CAMTA1: variants seen among roughly 807,000 people sequenced by gnomAD.
The protein encoded by CAMTA1 is calmodulin-binding transcription activator 1.
In CAMTA1, 27 loss-of-function variants were observed where a neutral mutation model predicts 170.9. That is an observed-to-expected ratio of 0.16 (90% CI 0.12 to 0.22). The LOEUF (loss-of-function observed/expected upper bound fraction) is 0.22, where lower values mean the gene tolerates loss of function less well. CAMTA1 is among the 10% of genes least tolerant of loss of function. The probability of loss-of-function intolerance (pLI) is 1.00; values close to 1 mark genes in which losing one functional copy is unlikely to be tolerated. For missense variants in CAMTA1, 1,619 were observed against 2,217.2 expected (o/e 0.73, Z 5.42); for synonymous variants, 833 against 891.5 (o/e 0.93, Z 1.17).
chr1:7,758,706 C>G (rs368252355), intron 22 of CAMTA1, among the ~76,000 whole-genome samples: 1 of 152,026 alleles, frequency 6.6e-6, no homozygotes, highest in Admixed American at 6.6e-5. Flanking sequence ...GAGGCCGAGG[C>G]GGGCGGATCA....
At chr1:7,401,594 G>A (rs536004412) in intron 5 of CAMTA1, among the ~76,000 whole-genome samples, 5 of 152,082 alleles carry the variant, frequency 3.3e-5, no homozygotes, top group South Asian at 4.1e-4. Flanking sequence ...GAGAATTAAC[G>A]TAACTATTGG....
At chr1:7,022,593 C>A (rs949200662) in intron 3 of CAMTA1, among the ~76,000 whole-genome samples, 2 of 152,238 alleles carry the variant, frequency 1.3e-5, no homozygotes, top group African/African-American at 4.8e-5. Flanking sequence ...GTGTAGCCCA[C>A]TTGCTGGGGC....
chr1:6,874,126 G>A (rs928406909), intron 3 of CAMTA1: 1 of 152,218 alleles, frequency 6.6e-6, no homozygotes, highest in African/African-American at 2.4e-5. Context: ...GTTGTTGGGA[G>A]GATAAATGAA....
At chr1:6,826,124 T>C (rs888576701) in intron 3 of CAMTA1, among the ~76,000 whole-genome samples, 9 of 152,242 alleles carry the variant, frequency 5.9e-5, no homozygotes, top group African/African-American at 2.2e-4. Context: ...TTGAGCCTTA[T>C]TTTTTAAAGA....
chr1:7,103,860 T>TAC lies in CAMTA1; in HGVS notation c.302+12501_302+12502dup, dbSNP rs780708424. On this transcript the variant is annotated intron_variant, in intron 4 of 22. Coordinates refer to ENST00000303635, the MANE Select transcript of CAMTA1 (RefSeq NM_015215.4). ...TACACACATGTACACACAACACACA[T>TAC]ACACACACACACAACTACACACATG... Among the ~76,000 whole-genome samples, 42 of 4,762 alleles carry TAC rather than the reference T, an allele frequency of 8.8e-3. 2 individuals are homozygous for TAC. The highest frequency in any genetic ancestry group is 0.057 in the African/African-American group (42 of 742). 3.1% of individuals were successfully genotyped at this position (4,762 alleles called of 152,430 possible).
At chr1:7,218,974 G>A (rs899365093) in intron 4 of CAMTA1, among the ~76,000 whole-genome samples, 1 of 152,158 alleles carries the variant, frequency 6.6e-6, no homozygotes, top group Non-Finnish European at 1.5e-5. Context: ...AGTCCCTTAC[G>A]TGGCATTTTA....
intron 6 of CAMTA1, among the ~76,000 whole-genome samples, chr1:7,501,616 C>A (rs1341449046): frequency 1.1e-5 from 1 of 93,484 alleles, no homozygotes. Context: ...GGATAAACAA[C>A]AGTTTTTTTT....
intron 6 of CAMTA1, among the ~76,000 whole-genome samples, chr1:7,497,191 C>A (rs931703610): frequency 6.6e-6 from 1 of 152,200 alleles, no homozygotes; most frequent in African/African-American, 2.4e-5. Context: ...TCACACCTCC[C>A]CTGGAGATGG....
chr1:7,705,535 G>A (rs1042466478), intron 11 of CAMTA1, among the ~76,000 whole-genome samples: 8 of 150,368 alleles, frequency 5.3e-5, no homozygotes, highest in Non-Finnish European at 4.5e-5. Flanking sequence ...GGGCTGGGGC[G>A]GCGTCGGGGC....
At chr1:7,253,231 C>G (rs1666884298) in intron 5 of CAMTA1, among the ~76,000 whole-genome samples, 1 of 152,170 alleles carries the variant, frequency 6.6e-6, no homozygotes, top group South Asian at 2.1e-4. Flanking sequence ...GTGGGAGACT[C>G]TCAGAGAGCG....
At chr1:7,717,958 C>T (rs182919970) in intron 11 of CAMTA1, among the ~76,000 whole-genome samples, 3 of 152,330 alleles carry the variant, frequency 2.0e-5, no homozygotes, top group East Asian at 3.9e-4. Flanking sequence ...AGAGGGCCTA[C>T]TGTGCACCAG....
chr1:7,156,906 G>T (rs1415962604), intron 4 of CAMTA1, among the ~76,000 whole-genome samples: 1 of 152,086 alleles, frequency 6.6e-6, no homozygotes, highest in East Asian at 1.9e-4. Flanking sequence ...GTCACCAGTG[G>T]GTTATAGGCC....
intron 4 of CAMTA1, among the ~76,000 whole-genome samples, chr1:7,102,054 ACACACAC>A (rs1642802589): frequency 2.4e-5 from 2 of 83,824 alleles, no homozygotes; most frequent in Non-Finnish European, 5.6e-5. Flanking sequence ...ACACACACAC[ACACACAC>A]ACACACACAG....
intron 4 of CAMTA1, among the ~76,000 whole-genome samples, chr1:7,210,775 C>T (rs1229467468): frequency 1.3e-5 from 2 of 152,152 alleles, no homozygotes; most frequent in Admixed American, 1.3e-4. Flanking sequence ...TTCGTTTATA[C>T]CCATATGGAC....
At chr1:7,567,426 T>C (rs2095056955) in intron 6 of CAMTA1, among the ~76,000 whole-genome samples, 1 of 152,210 alleles carries the variant, frequency 6.6e-6, no homozygotes, top group African/African-American at 2.4e-5. Flanking sequence ...AAGGGACAAG[T>C]CTGAGTATTT....
intron 6 of CAMTA1, among the ~76,000 whole-genome samples, chr1:7,625,414 C>T (rs568602885): frequency 6.6e-6 from 1 of 152,382 alleles, no homozygotes; most frequent in Admixed American, 6.5e-5. Context: ...TGATTCTGCC[C>T]CCATCGGGCT....
intron 3 of CAMTA1, among the ~76,000 whole-genome samples, chr1:6,959,501 CG>C (rs35190009): frequency 0.34 from 51,228 of 152,018 alleles, 8,954 homozygotes; most frequent in East Asian, 0.61. Flanking sequence ...TACCGGGTCC[CG>C]GGCAGGGGAT....
At chr1:7,438,708 C>T (rs375315635) in intron 5 of CAMTA1, among the ~76,000 whole-genome samples, 5 of 152,132 alleles carry the variant, frequency 3.3e-5, no homozygotes, top group South Asian at 2.1e-4. Flanking sequence ...GAGGGGGTCC[C>T]GCACACAGGA....
At chr1:7,197,905 G>A (rs1193855546) in intron 4 of CAMTA1, among the ~76,000 whole-genome samples, 1 of 151,882 alleles carries the variant, frequency 6.6e-6, no homozygotes, top group South Asian at 2.1e-4. Flanking sequence ...TCCCCTGCTA[G>A]ACTTGGCCAG....
Sources: allele counts gnomAD v4.1 joint callset (sites outside exome capture counted in the v4.1 genomes callset), GRCh38; gene constraint gnomAD v4.1.1; transcripts MANE v1.5; gene names NCBI Gene and HGNC (gene_info 2026-07-23, HGNC 2026-07-21).